EDIL3: variants seen among roughly 807,000 people sequenced by gnomAD.
EDIL3 encodes EGF-like repeat and discoidin I-like domain-containing protein 3.
A neutral mutation model predicts 67.4 loss-of-function variants in EDIL3; 37 were observed. The ratio of observed to expected loss-of-function variants is 0.55; its 90% CI spans 0.42 to 0.72. EDIL3 has a LOEUF of 0.72. EDIL3 is among the 30% of genes least tolerant of loss of function. The probability of loss-of-function intolerance (pLI) is 0.00; values close to 1 mark genes in which losing one functional copy is unlikely to be tolerated. For missense variants in EDIL3, 527 were observed against 586.3 expected (o/e 0.90, Z 1.04); for synonymous variants, 195 against 196.3 (o/e 0.99, Z 0.05).
chr5:84,237,394 C>CA (rs532337502), intron 2 of EDIL3, among the ~76,000 whole-genome samples: 310 of 150,204 alleles, frequency 2.1e-3, no homozygotes, highest in Non-Finnish European at 3.7e-3. Context: ...AGAGTGTTGT[C>CA]AAAAAAAAAT....
rs531586414 is a variant in EDIL3, at chr5:84,362,783, G to C, written c.67+21525C>G. Among the ~76,000 whole-genome samples the C allele has an allele frequency of 2.0e-4, 30 of 152,220 alleles. No homozygotes were observed. In the South Asian group the frequency reaches 5.0e-3, roughly 25 times the overall value. On this transcript the variant is annotated intron_variant, in intron 1 of 10. Coordinates refer to ENST00000296591, the MANE Select transcript of EDIL3 (RefSeq NM_005711.5). ...CAACTCTAGATTGGTTTACTATGTA[G>C]CTGTTATCAGTAGCAACATTTTAAA...
intron 1 of EDIL3, among the ~76,000 whole-genome samples, chr5:84,345,683 G>A (rs1256673439): frequency 2.6e-5 from 4 of 152,112 alleles, no homozygotes; most frequent in African/African-American, 9.7e-5. Flanking sequence ...ATGAATAGCT[G>A]AACAGATGCC....
At chr5:84,100,165 T>C (rs1241029060) in intron 6 of EDIL3, among the ~76,000 whole-genome samples, 1 of 152,168 alleles carries the variant, frequency 6.6e-6, no homozygotes, top group Non-Finnish European at 1.5e-5. Context: ...GAAGACAGTG[T>C]GGTGATTCCT....
intron 4 of EDIL3, among the ~76,000 whole-genome samples, chr5:84,156,459 T>C (rs1748493560): frequency 6.6e-6 from 1 of 152,172 alleles, no homozygotes; most frequent in African/African-American, 2.4e-5. Context: ...CATCTAGAAA[T>C]GCCAAAATTC....
At chr5:83,965,642 G>A (rs891312772) in intron 9 of EDIL3, among the ~76,000 whole-genome samples, 17 of 151,834 alleles carry the variant, frequency 1.1e-4, no homozygotes, top group African/African-American at 3.6e-4. Context: ...CCTTTTCTGC[G>A]GTACTTTTAA....
intron 1 of EDIL3, among the ~76,000 whole-genome samples, chr5:84,298,445 G>T (rs1364728587): frequency 6.6e-6 from 1 of 152,114 alleles, no homozygotes; most frequent in Admixed American, 6.5e-5. Flanking sequence ...ATGGACACGG[G>T]GAGGGGAACA....
At chr5:84,075,738 G>A (rs889753538) in intron 6 of EDIL3, among the ~76,000 whole-genome samples, 5 of 152,020 alleles carry the variant, frequency 3.3e-5, no homozygotes, top group African/African-American at 1.2e-4. Flanking sequence ...GCCTCCCAGA[G>A]TGCTGGGATT....
intron 5 of EDIL3, among the ~76,000 whole-genome samples, chr5:84,132,418 T>C (rs1180836316): frequency 9.0e-6 from 1 of 111,490 alleles, no homozygotes; most frequent in Admixed American, 1.1e-4. Context: ...TAACATATAT[T>C]ATATATTTTA....
Position 84,074,497 on chromosome 5 carries a change from T to G in EDIL3, c.652-7891A>C, listed in dbSNP as rs1480350944. On this transcript the variant is annotated intron_variant, in intron 6 of 10. Transcript: ENST00000296591. ...AATCTACAATGAACTCAAACAAATT[T>G]ACAAGAAAAAAACAAATAACCCCAT... Among the ~76,000 whole-genome samples the G allele has an allele frequency of 5.7e-3, 868 of 151,856 alleles. 9 individuals carry two copies. The highest frequency in any genetic ancestry group is 0.019 in the African/African-American group (802 of 41,388).
intron 1 of EDIL3, among the ~76,000 whole-genome samples, chr5:84,267,064 G>A (rs955552827): frequency 1.3e-5 from 2 of 152,170 alleles, no homozygotes; most frequent in African/African-American, 2.4e-5. Context: ...ACACAGAACA[G>A]TAAATGGTAA....
intron 3 of EDIL3, among the ~76,000 whole-genome samples, chr5:84,210,683 A>G (rs1430954592): frequency 6.6e-6 from 1 of 152,188 alleles, no homozygotes; most frequent in African/African-American, 2.4e-5. Flanking sequence ...TACCACTGAA[A>G]TCAAAGTTAG....
intron 5 of EDIL3, among the ~76,000 whole-genome samples, chr5:84,132,335 T>C (rs1381534603): frequency 4.1e-5 from 3 of 73,220 alleles, no homozygotes; most frequent in South Asian, 6.9e-4. Context: ...ATATAATATA[T>C]ATTATATATA....
intron 1 of EDIL3, among the ~76,000 whole-genome samples, chr5:84,326,575 A>G (rs1028623307): frequency 1.3e-5 from 2 of 151,112 alleles, no homozygotes; most frequent in Admixed American, 6.6e-5. Context: ...AAAAGTTTTG[A>G]AAAAAAAAGT....
intron 1 of EDIL3, among the ~76,000 whole-genome samples, chr5:84,263,040 C>T (rs1056939252): frequency 6.6e-6 from 1 of 152,106 alleles, no homozygotes; most frequent in Non-Finnish European, 1.5e-5. Flanking sequence ...TTAATATTTA[C>T]TGAAGCCCAT....
At chr5:84,354,654 C>T (rs1340223013) in intron 1 of EDIL3, among the ~76,000 whole-genome samples, 2 of 16,812 alleles carry the variant, frequency 1.2e-4, no homozygotes, top group Non-Finnish European at 3.1e-4. Flanking sequence ...GAGACTCCAT[C>T]TCAAAAAAAA....
At chr5:84,282,936 T>C (rs1337083489) in intron 1 of EDIL3, among the ~76,000 whole-genome samples, 1 of 152,156 alleles carries the variant, frequency 6.6e-6, no homozygotes, top group Non-Finnish European at 1.5e-5. Context: ...TTTGAAAAAC[T>C]AGTACAGAGA....
At chr5:84,278,163 T>C (rs1378434641) in intron 1 of EDIL3, among the ~76,000 whole-genome samples, 1 of 152,034 alleles carries the variant, frequency 6.6e-6, no homozygotes, top group Non-Finnish European at 1.5e-5. Context: ...TGAGTAAGAG[T>C]TTATGTATGA....
chr5:84,354,088 C>T (rs754467347), intron 1 of EDIL3, among the ~76,000 whole-genome samples: 2 of 152,072 alleles, frequency 1.3e-5, no homozygotes, highest in South Asian at 2.1e-4. Flanking sequence ...AAATCACTTG[C>T]GAACCTAGTG....
intron 2 of EDIL3, among the ~76,000 whole-genome samples, chr5:84,230,571 C>T (rs1163880244): frequency 6.6e-6 from 1 of 152,082 alleles, no homozygotes; most frequent in Non-Finnish European, 1.5e-5. Context: ...CCACACCTGG[C>T]TAATGTTGTA....
Sources: gnomAD v4.1 joint callset for allele counts (sites outside exome capture counted in the v4.1 genomes callset) on GRCh38, gnomAD v4.1.1 for gene constraint, MANE v1.5 for transcripts, NCBI Gene and HGNC (gene_info 2026-07-23, HGNC 2026-07-21) for gene names.